RPH3A: variants seen among roughly 807,000 people sequenced by gnomAD.
RPH3A encodes the protein rabphilin 3A, also known as rabphilin-3A.
Under a neutral mutation model 102.2 loss-of-function variants are expected in RPH3A, and 48 were observed. The observed-to-expected ratio is 0.47, with a 90% CI of 0.37 to 0.60. The LOEUF (loss-of-function observed/expected upper bound fraction) is 0.60. Ranked by LOEUF, RPH3A falls within the 20% of genes least tolerant of loss-of-function variation. The pLI, the probability that RPH3A is intolerant of heterozygous loss-of-function variation, is 0.00. For missense variants in RPH3A, 781 were observed against 910.1 expected (o/e 0.86, Z 1.83); for synonymous variants, 310 against 324.3 (o/e 0.96, Z 0.47).
rs554410526 is a variant in RPH3A, at chr12:112,814,522, G to A, written c.-18-13779G>A. On this transcript the variant is annotated intron_variant, in intron 2 of 21. Transcript: ENST00000389385. ...GTTAGAAAGCTGTTTCTTATCTCAC[G>A]CCAGATTCTCTCTTACTGGACCTTC... Among the ~76,000 whole-genome samples the A allele has an allele frequency of 5.3e-5, 8 of 152,188 alleles. No homozygotes were observed. The East Asian group carries it at 7.7e-4, about 15-fold the overall frequency.
chr12:112,778,461 A>G (rs748446232), intron 1 of RPH3A, among the ~76,000 whole-genome samples: 1 of 152,220 alleles, frequency 6.6e-6, no homozygotes, highest in Non-Finnish European at 1.5e-5. Context: ...TTCTCTGGCC[A>G]TCACTTTGAA....
chr12:112,874,849 T>G, intron 10 of RPH3A: 1 of 502,834 alleles, frequency 2.0e-6, no homozygotes, highest in Non-Finnish European at 3.5e-6. Flanking sequence ...GGAAGGAGGA[T>G]TGTAGAACCT....
At chr12:112,603,584 A>G (rs527607800) in intron 1 of RPH3A, among the ~76,000 whole-genome samples, 5 of 152,016 alleles carry the variant, frequency 3.3e-5, no homozygotes, top group African/African-American at 9.7e-5. Flanking sequence ...TAAAGATTCA[A>G]TTTTCTTAAT....
chr12:112,678,321 GAAAGAAA>G, intron 1 of RPH3A, among the ~76,000 whole-genome samples: 1 of 131,502 alleles, frequency 7.6e-6, no homozygotes, highest in African/African-American at 2.9e-5. Context: ...GAGAGAGAAA[GAAAGAAA>G]GAAGGAAGGA....
chr12:112,759,438 G>T (rs927119713), intron 1 of RPH3A, among the ~76,000 whole-genome samples: 1 of 152,078 alleles, frequency 6.6e-6, no homozygotes. Flanking sequence ...GGACTGATCC[G>T]CCACTCAGAA....
At chr12:112,767,959 G>A (rs953846626) in intron 1 of RPH3A, among the ~76,000 whole-genome samples, 7 of 152,152 alleles carry the variant, frequency 4.6e-5, no homozygotes, top group Admixed American at 4.6e-4. Context: ...CAGGGGCTGT[G>A]AGGAGAATGG....
intron 1 of RPH3A, among the ~76,000 whole-genome samples, chr12:112,665,069 A>G (rs2040075242): frequency 6.6e-6 from 1 of 152,166 alleles, no homozygotes; most frequent in African/African-American, 2.4e-5. Flanking sequence ...AGTTGCCCAC[A>G]GAGGTAACCA....
At chr12:112,764,037 G>C (rs1346298115) in intron 1 of RPH3A, among the ~76,000 whole-genome samples, 2 of 152,160 alleles carry the variant, frequency 1.3e-5, no homozygotes, top group African/African-American at 4.8e-5. Context: ...GACCTTGGCA[G>C]GATATTTGAG....
chr12:112,600,354 A>G (rs946237934), intron 1 of RPH3A, among the ~76,000 whole-genome samples: 2 of 152,200 alleles, frequency 1.3e-5, no homozygotes, highest in African/African-American at 4.8e-5. Flanking sequence ...ACCGATAACA[A>G]CCATGACAAT....
rs569760426 is a variant in RPH3A at position 112,890,173 on chromosome 12, A to T, written c.1620+93A>T. On this transcript the variant is annotated intron_variant, in intron 18 of 21. Transcript: ENST00000389385. ...TCTCTCCCTCCCTGGCCCCTTCCTC[A>T]TCCATTCTCTTCCAACCACCCCCCT... 9.7e-5 allele frequency: 113 copies of T among 1,160,444 alleles called. 1 individual carries two copies. The South Asian group carries it at 1.3e-3, about 13-fold the overall frequency. 71.9% of individuals were successfully genotyped at this position (1,160,444 alleles called of 1,614,324 possible).
At chr12:112,722,299 T>C (rs1159598157) in intron 1 of RPH3A, among the ~76,000 whole-genome samples, 1 of 152,248 alleles carries the variant, frequency 6.6e-6, no homozygotes, top group African/African-American at 2.4e-5. Flanking sequence ...GATCAGGTTC[T>C]GTAGGTAGGC....
rs139576639 is a variant in RPH3A, at chr12:112,614,455, G to A, written c.-140+39136G>A. ...TCCCAGCACCTTGGGAGGCTGAGGC[G>A]GGTAGATCACTTGAGCCCAGAAGTT... is the stretch of plus-strand genomic sequence containing the variant. On this transcript the variant is annotated intron_variant, in intron 1 of 21. Transcript: ENST00000543106. Among the ~76,000 whole-genome samples the A allele has an allele frequency of 9.7e-3, 1,463 of 151,580 alleles. 14 individuals are homozygous for A. Among genetic ancestry groups the A allele is most frequent in the African/African-American group, 0.027 (1,126 of 41,296 alleles).
intron 1 of RPH3A, among the ~76,000 whole-genome samples, chr12:112,699,118 A>G (rs942349804): frequency 9.9e-5 from 15 of 152,014 alleles, no homozygotes; most frequent in Admixed American, 6.6e-5. Flanking sequence ...ATGGGGTTTC[A>G]CCATGTTGCC....
At chr12:112,751,081 G>A (rs1331521580) in intron 1 of RPH3A, among the ~76,000 whole-genome samples, 1 of 152,192 alleles carries the variant, frequency 6.6e-6, no homozygotes. Flanking sequence ...TTGACACTTG[G>A]CCTTCCTTAG....
chr12:112,873,418 C>T (rs527500193), intron 10 of RPH3A, among the ~76,000 whole-genome samples: 17 of 152,352 alleles, frequency 1.1e-4, no homozygotes, highest in Non-Finnish European at 1.8e-4. Flanking sequence ...CTGAGAGCAG[C>T]TCAGTAAAAC....
intron 1 of RPH3A, among the ~76,000 whole-genome samples, chr12:112,684,930 T>A (rs988094424): frequency 3.3e-5 from 5 of 152,174 alleles, no homozygotes; most frequent in African/African-American, 1.2e-4. Flanking sequence ...CGTCCCCACC[T>A]GGTGGAAGGG....
At chr12:112,765,162 C>T (rs11610836) in intron 1 of RPH3A, among the ~76,000 whole-genome samples, 60,925 of 151,318 alleles carry the variant, frequency 0.4, 12,514 homozygotes, top group East Asian at 0.67. Context: ...CCCAGCTGGT[C>T]GTGGGGAGCA....
At chr12:112,868,796 G>C in intron 8 of RPH3A, 1 of 511,024 alleles carries the variant, frequency 2.0e-6, no homozygotes, top group Non-Finnish European at 3.4e-6. Context: ...GAACTCTCCA[G>C]CAATGCCAAG....
intron 1 of RPH3A, among the ~76,000 whole-genome samples, chr12:112,766,502 A>C (rs993483836): frequency 6.6e-6 from 1 of 152,114 alleles, no homozygotes; most frequent in Non-Finnish European, 1.5e-5. Flanking sequence ...GGCAGGGGGA[A>C]TAGAGAAAAG....
Sources: allele counts gnomAD v4.1 joint callset (sites outside exome capture counted in the v4.1 genomes callset), GRCh38; gene constraint gnomAD v4.1.1; transcripts MANE v1.5; gene names NCBI Gene and HGNC (gene_info 2026-07-23, HGNC 2026-07-21).